Variants in ADAM12 observed in about 807,000 individuals in gnomAD.
ADAM12 encodes ADAM metallopeptidase domain 12, also known as disintegrin and metalloproteinase domain-containing protein 12.
ADAM12 carries 70 observed loss-of-function variants against 106.4 expected under a neutral mutation model. The ratio of observed to expected loss-of-function variants is 0.66; its 90% CI spans 0.54 to 0.80. The LOEUF (loss-of-function observed/expected upper bound fraction) is 0.80, where lower values mean the gene tolerates loss of function less well. Among genes scored for constraint, ADAM12 ranks in the 30% least tolerant of loss-of-function variants. ADAM12 has a pLI of 0.00. For missense variants in ADAM12, 1,010 were observed against 1,171.9 expected (o/e 0.86, Z 2.02); for synonymous variants, 420 against 433.5 (o/e 0.97, Z 0.39).
intron 3 of ADAM12, among the ~76,000 whole-genome samples, chr10:126,255,553 G>A (rs1958874373): frequency 6.6e-6 from 1 of 152,164 alleles, no homozygotes; most frequent in African/African-American, 2.4e-5. Flanking sequence ...AAAGCAAACA[G>A]CAAAGGTTTC....
At chr10:126,241,785 A>G (rs1958529134) in intron 3 of ADAM12, among the ~76,000 whole-genome samples, 1 of 152,206 alleles carries the variant, frequency 6.6e-6, no homozygotes, top group Non-Finnish European at 1.5e-5. Flanking sequence ...GCATGGGATA[A>G]ATATAAGCAG....
intron 2 of ADAM12, among the ~76,000 whole-genome samples, chr10:126,316,129 C>T (rs931666837): frequency 6.6e-6 from 1 of 152,138 alleles, no homozygotes; most frequent in Non-Finnish European, 1.5e-5. Flanking sequence ...TTAACTCTTC[C>T]TTATGTTTGT....
chr10:126,024,756 G>A (rs1953836257), intron 21 of ADAM12, among the ~76,000 whole-genome samples: 1 of 151,760 alleles, frequency 6.6e-6, no homozygotes, highest in South Asian at 2.1e-4. Context: ...AAAATAAATG[G>A]TATTAAGGAT....
chr10:126,060,599 A>G (rs566497734), intron 14 of ADAM12, among the ~76,000 whole-genome samples: 2 of 152,336 alleles, frequency 1.3e-5, no homozygotes, highest in African/African-American at 2.4e-5. Flanking sequence ...CTTGACAATA[A>G]GTTTTCCTTT....
intron 3 of ADAM12, among the ~76,000 whole-genome samples, chr10:126,225,869 T>C (rs1278234294): frequency 6.6e-6 from 1 of 152,148 alleles, no homozygotes; most frequent in African/African-American, 2.4e-5. Flanking sequence ...TACGACAGGA[T>C]GTAAGAGCCC....
chr10:126,147,055 G>A (rs534427235), intron 4 of ADAM12, among the ~76,000 whole-genome samples: 1 of 152,258 alleles, frequency 6.6e-6, no homozygotes, highest in South Asian at 2.1e-4. Context: ...GGAAATGAAT[G>A]GGATGTCACC....
At chr10:126,041,358 T>C (rs1438639617) in intron 18 of ADAM12, 1 of 985,798 alleles carries the variant, frequency 1.0e-6, no homozygotes, top group Non-Finnish European at 1.2e-6. Flanking sequence ...TCAAATGCAC[T>C]CTATTTTATG....
At chr10:126,328,038 T>C (rs1019265666) in intron 2 of ADAM12, among the ~76,000 whole-genome samples, 2 of 152,246 alleles carry the variant, frequency 1.3e-5, no homozygotes, top group African/African-American at 4.8e-5. Context: ...GAAAAAACTA[T>C]CTTTCCTTCT....
chr10:126,169,626 A>G (rs1957084266), intron 3 of ADAM12, among the ~76,000 whole-genome samples: 1 of 152,194 alleles, frequency 6.6e-6, no homozygotes, highest in African/African-American at 2.4e-5. Flanking sequence ...ACACCACCCA[A>G]TCCCACAAAA....
At chr10:126,244,502 G>T (rs906798827) in intron 3 of ADAM12, among the ~76,000 whole-genome samples, 2 of 152,178 alleles carry the variant, frequency 1.3e-5, no homozygotes, top group Admixed American at 1.3e-4. Context: ...CTGACTGTTG[G>T]GGGATCATGG....
At chr10:126,251,368 G>A (rs1430465806) in intron 3 of ADAM12, among the ~76,000 whole-genome samples, 1 of 152,250 alleles carries the variant, frequency 6.6e-6, no homozygotes, top group African/African-American at 2.4e-5. Flanking sequence ...AGATGAGGAA[G>A]CAGGCTTAAA....
rs1590438674 is a variant in ADAM12 at position 126,118,266 on chromosome 10, C to T, written c.417-42G>A. Reference sequence around the variant, plus strand: ...AAGAAAAAATATATAATTTTAAGGACAGCTTCTTGTTTATGGCCAAGACAC... The same window carrying T: ...AAGAAAAAATATATAATTTTAAGGATAGCTTCTTGTTTATGGCCAAGACAC... On this transcript the variant is annotated intron_variant, in intron 5 of 22. Transcript: ENST00000448723. The T allele has an allele frequency of 2.0e-6, 3 of 1,470,722 alleles. 1 individual carries two copies. In the South Asian group the frequency reaches 3.7e-5, roughly 18 times the overall value. The allele number at this position is 1,470,722 out of a possible 1,614,324, so 91.1% of individuals were successfully genotyped here. A position where few individuals can be genotyped will look rare whatever the true frequency, so the allele number is the denominator to read the frequency against.
At chr10:126,035,458 GCAAAA>G (rs147541056) in intron 21 of ADAM12, among the ~76,000 whole-genome samples, 2,779 of 151,984 alleles carry the variant, frequency 0.018, 81 homozygotes, top group East Asian at 0.11. Context: ...AATTTTTAAG[GCAAAA>G]CAAAGCAGCA....
intron 1 of ADAM12, among the ~76,000 whole-genome samples, chr10:126,376,322 C>T (rs777700663): frequency 2.6e-5 from 4 of 152,020 alleles, no homozygotes; most frequent in Non-Finnish European, 4.4e-5. Flanking sequence ...CATTCATATA[C>T]ACTGAAAAGA....
chr10:126,032,425 T>TTTCAGTGACTGATGTTTA (rs1335659415), intron 21 of ADAM12, among the ~76,000 whole-genome samples: 1 of 152,202 alleles, frequency 6.6e-6, no homozygotes, highest in African/African-American at 2.4e-5. Flanking sequence ...AATGTGGATT[T>TTTCAGTGACTGATGTTTA]TTCAGTGACT....
intron 3 of ADAM12, among the ~76,000 whole-genome samples, chr10:126,255,928 G>C (rs1450480847): frequency 3.9e-5 from 6 of 152,188 alleles, no homozygotes; most frequent in Admixed American, 3.3e-4. Flanking sequence ...TCGGCATCAG[G>C]AACGGTGCAG....
chr10:126,075,525 A>C (rs1342062283), intron 11 of ADAM12, among the ~76,000 whole-genome samples: 1 of 152,206 alleles, frequency 6.6e-6, no homozygotes, highest in Non-Finnish European at 1.5e-5. Flanking sequence ...GAACAGAATG[A>C]GTTAGAAAGA....
intron 1 of ADAM12, among the ~76,000 whole-genome samples, chr10:126,338,615 G>A (rs1404929715): frequency 6.6e-6 from 1 of 152,144 alleles, no homozygotes; most frequent in Non-Finnish European, 1.5e-5. Context: ...TATACACTGT[G>A]AGACTAAACT....
intron 4 of ADAM12, among the ~76,000 whole-genome samples, chr10:126,149,055 C>T (rs1956681261): frequency 6.6e-6 from 1 of 152,212 alleles, no homozygotes; most frequent in African/African-American, 2.4e-5. Context: ...CTCCCACCCT[C>T]TTCCCTGTAA....
Sources: allele counts gnomAD v4.1 joint callset (sites outside exome capture counted in the v4.1 genomes callset), GRCh38; gene constraint gnomAD v4.1.1; transcripts MANE v1.5; gene names NCBI Gene and HGNC (gene_info 2026-07-23, HGNC 2026-07-21).